Variants in CCDC47 observed in about 807,000 individuals in gnomAD.
The protein encoded by CCDC47 is PAT complex subunit CCDC47.
In CCDC47, 41 loss-of-function variants were observed where a neutral mutation model predicts 60.5. That is an observed-to-expected ratio of 0.68 (90% CI 0.53 to 0.88). CCDC47 has a LOEUF of 0.88. Among genes scored for constraint, CCDC47 ranks in the 40% least tolerant of loss-of-function variants. CCDC47 has a pLI of 0.00. For missense variants in CCDC47, 513 were observed against 580.9 expected, an observed-to-expected ratio of 0.88 and a Z score of 1.20; for synonymous variants, 195 against 190.7, an observed-to-expected ratio of 1.02 and a Z score of -0.18.
Position 63,747,036 on chromosome 17 carries a change from T to C in CCDC47, c.1372-75A>G, listed in dbSNP as rs2039125698. ...ATTCAAATTAAGCTTGAAACATATG[T>C]TAAAAAAAAATCCAAATTAGAATAC... On this transcript the variant is annotated intron_variant, in intron 12 of 12. Coordinates refer to ENST00000225726, the MANE Select transcript of CCDC47 (RefSeq NM_020198.3). The C allele has an allele frequency of 1.9e-6, 3 of 1,554,502 alleles. No homozygotes were observed. The South Asian group carries it at 3.5e-5, about 18-fold the overall frequency.
At chr17:63,747,518 A>T in intron 12 of CCDC47, 1 of 981,228 alleles carries the variant, frequency 1.0e-6, no homozygotes, top group Non-Finnish European at 1.2e-6. Context: ...ATTTTTATTT[A>T]GGAATTAGGA....
At position 63,746,795 on chromosome 17, in the gene CCDC47, G is replaced by T; in HGVS notation, c.*86C>A. ...TTGCCCAAGACTGTCTGAAATTTAAGGTTGAGAAATGGACTGGCGTTTTTC... is the reference window on the plus strand; with the variant it reads ...TTGCCCAAGACTGTCTGAAATTTAATGTTGAGAAATGGACTGGCGTTTTTC... On this transcript the variant is annotated 3_prime_UTR_variant, in exon 13 of 13. Transcript: ENST00000225726. The T allele has an allele frequency of 2.1e-6, 2 of 975,510 alleles. No individual in the cohort carries two copies. The highest frequency in any genetic ancestry group is 3.3e-6 in the Non-Finnish European group (2 of 610,780). 60.4% of individuals were successfully genotyped at this position (975,510 alleles called of 1,614,324 possible). A position where few individuals can be genotyped will look rare whatever the true frequency, so the allele number is the denominator to read the frequency against.
At chr17:63,756,211 G>A in intron 8 of CCDC47, 29 bp downstream of exon 8, 1 of 1,499,940 alleles carries the variant, frequency 6.7e-7, no homozygotes, top group Non-Finnish European at 9.3e-7. Context: ...GCCAAGGCCT[G>A]GCAAATGTAT....
chr17:63,761,013 T>C (rs1350950511), intron 5 of CCDC47, 34 bp from the exon 6 acceptor site: 1 of 1,545,796 alleles, frequency 6.5e-7, no homozygotes. Context: ...TAAATCCAAC[T>C]GCAACTCCTA....
At chr17:63,756,673 TCTCC>T (rs1244143745) in intron 6 of CCDC47, 103 bp from the exon 7 acceptor site, 1 of 745,574 alleles carries the variant, frequency 1.3e-6, no homozygotes, top group Non-Finnish European at 2.3e-6. Flanking sequence ...GTGCATATAC[TCTCC>T]CTTTAAGTGA....
chr17:63,763,859 TAA>T (rs1267857266), intron 4 of CCDC47, among the ~76,000 whole-genome samples, 155 bp downstream of exon 4: 2 of 142,266 alleles, frequency 1.4e-5, no homozygotes. Flanking sequence ...TAAATTAAAT[TAA>T]AAAAAAAAAG....
rs1415657098 is a variant in CCDC47, at chr17:63,773,566, CCT to C, written c.-176_-175del. On this transcript the variant is annotated 5_prime_UTR_variant, in exon 1 of 13. Transcript: ENST00000225726. ...AGAACCGTAGCTCAGTCACGCCGCG[CCT>C]CTCTTCACGTAGCCTCCGCCGTCCG... 6.6e-6 allele frequency: 1 copy of C among 152,326 alleles called. No individual in the cohort carries two copies. The highest frequency in any genetic ancestry group is 2.4e-5 in the African/African-American group (1 of 41,478). 9.4% of individuals were successfully genotyped at this position (152,326 alleles called of 1,614,324 possible).
chr17:63,771,971 A>G (rs1040682857), intron 1 of CCDC47, among the ~76,000 whole-genome samples: 1 of 152,074 alleles, frequency 6.6e-6, no homozygotes, highest in African/African-American at 2.4e-5. Context: ...AATCCCAGCT[A>G]CTCGGGACGC....
At position 63,764,062 on chromosome 17, in the gene CCDC47, C is replaced by T. The variant is rs1277451185; in HGVS notation, c.501G>A (p.Trp167Ter). The T allele has an allele frequency of 6.2e-7, 1 of 1,612,350 alleles. No homozygotes were observed. The highest frequency in any genetic ancestry group is 8.5e-7 in the Non-Finnish European group (1 of 1,179,602). ...KNKNSRLAQA[W>*]FNTHRELLES... Reference sequence around the variant, plus strand: ...CCAAAAGCTCCCTATGAGTGTTAAACCAGGCCTGTGCAAGGCGACTGTTTT... The same window carrying T: ...CCAAAAGCTCCCTATGAGTGTTAAATCAGGCCTGTGCAAGGCGACTGTTTT... The change falls in exon 4 of 13, where the codon TGG becomes TGA. Residue 167 changes from tryptophan to a stop codon, truncating the protein, a stop_gained. Transcript: ENST00000225726. LOFTEE classifies it high-confidence loss of function.
intron 12 of CCDC47, 52 bp downstream of exon 12, chr17:63,751,888 A>G: frequency 6.3e-7 from 1 of 1,590,670 alleles, no homozygotes; most frequent in East Asian, 2.2e-5. Context: ...ACAGAACACA[A>G]GCAGTCATCC....
chr17:63,756,435 C>G (rs75208831), intron 7 of CCDC47, 34 bp downstream of exon 7: 1 of 1,580,050 alleles, frequency 6.3e-7, no homozygotes, highest in African/African-American at 1.3e-5. Flanking sequence ...AGACACAGTT[C>G]TACGTATATT....
chr17:63,762,145 A>C, intron 4 of CCDC47: 1 of 984,226 alleles, frequency 1.0e-6, no homozygotes, highest in South Asian at 4.7e-5. Flanking sequence ...TTTTAACTCT[A>C]GAAAAAAGCT....
Position 63,765,962 on chromosome 17 carries a change from C to G in CCDC47, c.214G>C (p.Glu72Gln). Residue 72 changes from glutamate (E) to glutamine (Q), a missense_variant, in exon 2 of 13, where the codon GAA becomes CAA. Glu to Gln is a conservative substitution (Grantham distance 29). Transcript: ENST00000225726. ...DDEDETTVEL[E>Q]GQDENQEGDF... ...CCTTCTTGGTTTTCATCCTGCCCTTCCAACTCCACAGTGGTCTCATCTTCA... is the reference window on the plus strand; with the variant it reads ...CCTTCTTGGTTTTCATCCTGCCCTTGCAACTCCACAGTGGTCTCATCTTCA... 1 of 1,614,104 alleles carries G rather than the reference C, an allele frequency of 6.2e-7. No homozygotes were observed. Among genetic ancestry groups the G allele is most frequent in the Non-Finnish European group, 8.5e-7 (1 of 1,179,978 alleles).
At chr17:63,765,541 T>G (rs1329182382) in intron 2 of CCDC47, 1 of 190,750 alleles carries the variant, frequency 5.2e-6, no homozygotes, top group African/African-American at 2.4e-5. Context: ...GGTTTCACCA[T>G]GTTGGCCAGG....
At chr17:63,761,976 T>C (rs2039265036) in intron 4 of CCDC47, 1 of 771,736 alleles carries the variant, frequency 1.3e-6, no homozygotes, top group African/African-American at 1.9e-5. Flanking sequence ...GAAATATCTC[T>C]GCCAAAAGTT....
intron 5 of CCDC47, 110 bp downstream of exon 5, chr17:63,761,120 C>T: frequency 1.4e-6 from 2 of 1,462,210 alleles, no homozygotes; most frequent in South Asian, 1.2e-5. Context: ...ACTTTTAGAC[C>T]TCATTTTAAG....
chr17:63,751,973 A>G lies in CCDC47; in HGVS notation c.1338T>C (p.Asn446=), dbSNP rs752809973. ...TGCGCTGTTTCTCAGGATCTTCCTC[A>G]TTCATGATTCGCTCCTTCTCTGCTC... ...KKRAEKERIM[N]EEDPEKQRRL... Residue 446 remains asparagine (N), a synonymous_variant, in exon 12 of 13, where the codon AAT becomes AAC. Coordinates refer to ENST00000225726, the MANE Select transcript of CCDC47 (RefSeq NM_020198.3). 26 of 1,613,718 alleles carry G rather than the reference A, an allele frequency of 1.6e-5. No individual in the cohort carries two copies. Among genetic ancestry groups the G allele is most frequent in the Non-Finnish European group, 2.1e-5 (25 of 1,180,028 alleles).
chr17:63,760,259 A>G (rs2144487501), intron 6 of CCDC47, among the ~76,000 whole-genome samples: 1 of 152,304 alleles, frequency 6.6e-6, no homozygotes, highest in East Asian at 1.9e-4. Flanking sequence ...AAACCCAGCT[A>G]TCTGCCAAAG....
chr17:63,756,101 G>A (rs1195702351), intron 8 of CCDC47, 139 bp downstream of exon 8: 2 of 622,408 alleles, frequency 3.2e-6, no homozygotes, highest in Admixed American at 2.6e-5. Flanking sequence ...CTTAAAGAAG[G>A]TATTTTAATA....
Sources: allele counts gnomAD v4.1 joint callset (sites outside exome capture counted in the v4.1 genomes callset), GRCh38; gene constraint gnomAD v4.1.1; transcripts MANE v1.5; gene names NCBI Gene and HGNC (gene_info 2026-07-23, HGNC 2026-07-21).